Variants in CTIF observed in about 807,000 individuals in gnomAD.
The protein encoded by CTIF is cap binding complex dependent translation initiation factor.
CTIF carries 21 observed loss-of-function variants against 66.0 expected under a neutral mutation model. The observed-to-expected ratio is 0.32, with a 90% confidence interval of 0.23 to 0.46. The LOEUF is 0.46. Ranked by LOEUF, CTIF falls within the 20% of genes least tolerant of loss-of-function variation. CTIF has a pLI of 1.00. For missense variants in CTIF, 739 were observed against 812.7 expected (o/e 0.91, Z 1.10); for synonymous variants, 345 against 326.4 (o/e 1.06, Z -0.62).
intron 10 of CTIF, among the ~76,000 whole-genome samples, chr18:48,834,011 CT>C (rs1206014811): frequency 6.6e-6 from 1 of 152,066 alleles, no homozygotes; most frequent in Admixed American, 6.6e-5. Flanking sequence ...GCACAAACCC[CT>C]TCTCTCCCCT....
chr18:48,548,048 C>T (rs186195786), intron 1 of CTIF, among the ~76,000 whole-genome samples: 4 of 152,140 alleles, frequency 2.6e-5, no homozygotes, highest in South Asian at 2.1e-4. Flanking sequence ...CAATGCTGGG[C>T]GCTCTCTGTG....
chr18:48,691,440 G>A lies in CTIF; in HGVS notation c.508-20179G>A, dbSNP rs182099938. On this transcript the variant is annotated intron_variant, in intron 6 of 11. Transcript: ENST00000256413. ...GTAGGGGTCGTTACCAAAATAGTTT[G>A]TTAGAATACACTTGAGATTCTAGAT... 8.5e-5 allele frequency among the ~76,000 whole-genome samples: 13 copies of A among 152,304 alleles called. No homozygotes were observed. The East Asian group carries it at 1.4e-3, about 16-fold the overall frequency.
At chr18:48,693,331 C>T (rs528296603) in intron 6 of CTIF, among the ~76,000 whole-genome samples, 38 of 152,282 alleles carry the variant, frequency 2.5e-4, no homozygotes, top group African/African-American at 8.7e-4. Flanking sequence ...ACTTTTTCTC[C>T]TTTTAGTCTG....
intron 9 of CTIF, among the ~76,000 whole-genome samples, chr18:48,795,181 G>C (rs961207841): frequency 6.6e-6 from 1 of 152,162 alleles, no homozygotes; most frequent in Non-Finnish European, 1.5e-5. Context: ...GAAGGATACT[G>C]TGTCAAACCA....
intron 1 of CTIF, among the ~76,000 whole-genome samples, chr18:48,595,521 G>A (rs1215695200): frequency 6.6e-6 from 1 of 152,072 alleles, no homozygotes; most frequent in African/African-American, 2.4e-5. Context: ...CAACCTCCCA[G>A]TCTCAAGTAA....
At chr18:48,728,449 T>TG (rs1159129976) in intron 7 of CTIF, among the ~76,000 whole-genome samples, 1 of 152,250 alleles carries the variant, frequency 6.6e-6, no homozygotes, top group African/African-American at 2.4e-5. Context: ...TAAGCACTTA[T>TG]GATCTCACAC....
chr18:48,629,594 C>T (rs565806753), intron 2 of CTIF, among the ~76,000 whole-genome samples: 1 of 151,226 alleles, frequency 6.6e-6, no homozygotes, highest in Non-Finnish European at 1.5e-5. Context: ...GTGATTAAAC[C>T]TACAGCTCTT....
chr18:48,627,314 C>T (rs149106768), intron 2 of CTIF, among the ~76,000 whole-genome samples: 32 of 152,242 alleles, frequency 2.1e-4, no homozygotes, highest in African/African-American at 7.2e-4. Context: ...CAACCATGAT[C>T]TCTGTCTCAG....
intron 1 of CTIF, among the ~76,000 whole-genome samples, chr18:48,617,306 T>C (rs972706504): frequency 1.3e-5 from 2 of 152,204 alleles, no homozygotes; most frequent in Non-Finnish European, 2.9e-5. Flanking sequence ...TGCTGAGCTC[T>C]AGTCCCAGAT....
intron 6 of CTIF, among the ~76,000 whole-genome samples, chr18:48,688,583 G>A (rs553791860): frequency 4.5e-4 from 69 of 152,270 alleles, no homozygotes; most frequent in South Asian, 1.7e-3. Flanking sequence ...TCCTAAACAC[G>A]TCCTTCTAAA....
chr18:48,696,533 C>T (rs2092011795), intron 6 of CTIF, among the ~76,000 whole-genome samples: 1 of 152,194 alleles, frequency 6.6e-6, no homozygotes, highest in Admixed American at 6.5e-5. Flanking sequence ...GTCTGTCTGG[C>T]TTGAGCTCTC....
intron 1 of CTIF, among the ~76,000 whole-genome samples, chr18:48,574,698 C>T (rs898397987): frequency 5.9e-5 from 9 of 152,304 alleles, no homozygotes; most frequent in African/African-American, 2.2e-4. Flanking sequence ...GAGTCACTTG[C>T]GCTACGTTTC....
chr18:48,593,592 C>T (rs2144016925), intron 1 of CTIF, among the ~76,000 whole-genome samples: 1 of 151,986 alleles, frequency 6.6e-6, no homozygotes, highest in South Asian at 2.1e-4. Context: ...CCGTATTAGC[C>T]AGGATGGTCT....
At chr18:48,571,012 C>A (rs2089404097) in intron 1 of CTIF, among the ~76,000 whole-genome samples, 2 of 152,104 alleles carry the variant, frequency 1.3e-5, no homozygotes, top group South Asian at 4.1e-4. Flanking sequence ...CTTTAAGATG[C>A]CTAAAGTAGT....
At chr18:48,641,057 A>G (rs1358888921) in intron 3 of CTIF, among the ~76,000 whole-genome samples, 1 of 152,198 alleles carries the variant, frequency 6.6e-6, no homozygotes, top group African/African-American at 2.4e-5. Flanking sequence ...TCCTCTTCCC[A>G]AAAGACTCAC....
intron 1 of CTIF, among the ~76,000 whole-genome samples, chr18:48,547,216 C>T (rs1276603153): frequency 6.6e-6 from 1 of 152,196 alleles, no homozygotes; most frequent in African/African-American, 2.4e-5. Flanking sequence ...AAGGACAGTT[C>T]CATCCAAGCC....
intron 1 of CTIF, among the ~76,000 whole-genome samples, chr18:48,573,644 A>AGGTTTCTGTGACAAAAGCTCCAGGT (rs1189918337): frequency 6.6e-6 from 1 of 152,216 alleles, no homozygotes; most frequent in Non-Finnish European, 1.5e-5. Flanking sequence ...TAATGAAGGC[A>AGGTTTCTGTGACAAAAGCTCCAGGT]GGTTTCTGTG....
intron 9 of CTIF, among the ~76,000 whole-genome samples, chr18:48,784,070 TG>T (rs1911492925): frequency 6.6e-6 from 1 of 152,070 alleles, no homozygotes; most frequent in Non-Finnish European, 1.5e-5. Context: ...GGCAGCGAGA[TG>T]GTGGAAAAAT....
intron 9 of CTIF, among the ~76,000 whole-genome samples, chr18:48,799,117 T>C (rs772084483): frequency 3.9e-5 from 6 of 152,222 alleles, no homozygotes; most frequent in Non-Finnish European, 7.4e-5. Context: ...TCAGAAAGTC[T>C]TACTGAGCTC....
Sources: gnomAD v4.1 joint callset for allele counts (sites outside exome capture counted in the v4.1 genomes callset) on GRCh38, gnomAD v4.1.1 for gene constraint, MANE v1.5 for transcripts, NCBI Gene and HGNC (gene_info 2026-07-23, HGNC 2026-07-21) for gene names.